Variants in ASIC2 observed in about 807,000 individuals in gnomAD.
ASIC2 encodes acid sensing ion channel subunit 2.
Under a neutral mutation model 57.3 loss-of-function variants are expected in ASIC2, and 25 were observed. That is an observed-to-expected ratio of 0.44 (90% CI 0.32 to 0.61). The LOEUF (loss-of-function observed/expected upper bound fraction) is 0.61. Among genes scored for constraint, ASIC2 ranks in the 20% least tolerant of loss-of-function variants. The probability of loss-of-function intolerance (pLI) is 0.06; values close to 1 mark genes in which losing one functional copy is unlikely to be tolerated. For synonymous variants in ASIC2, 319 were observed against 307.5 expected, an observed-to-expected ratio of 1.04 and a Z score of -0.39; for missense variants, 641 against 738.1, an observed-to-expected ratio of 0.87 and a Z score of 1.52.
chr17:34,050,570 T>A (rs561309399), intron 1 of ASIC2, among the ~76,000 whole-genome samples: 1 of 152,354 alleles, frequency 6.6e-6, no homozygotes, highest in East Asian at 1.9e-4. Context: ...TTATGGATTT[T>A]AATCCTCTAA....
At chr17:34,090,161 G>T (rs1910273619) in intron 1 of ASIC2, among the ~76,000 whole-genome samples, 2 of 152,150 alleles carry the variant, frequency 1.3e-5, no homozygotes, top group South Asian at 4.1e-4. Flanking sequence ...GAGGGCTAGG[G>T]GGATGTGGTT....
intron 1 of ASIC2, among the ~76,000 whole-genome samples, chr17:34,053,594 A>G (rs1414464161): frequency 6.6e-6 from 1 of 152,250 alleles, no homozygotes; most frequent in African/African-American, 2.4e-5. Flanking sequence ...GCATTAGCCC[A>G]CATAATCTGC....
intron 1 of ASIC2, among the ~76,000 whole-genome samples, chr17:33,347,710 A>G (rs1908006429): frequency 6.6e-6 from 1 of 152,226 alleles, no homozygotes; most frequent in African/African-American, 2.4e-5. Flanking sequence ...TTGTCATCAG[A>G]GCAGATACTT....
At chr17:34,048,974 G>A (rs1256174655) in intron 1 of ASIC2, among the ~76,000 whole-genome samples, 1 of 152,152 alleles carries the variant, frequency 6.6e-6, no homozygotes, top group African/African-American at 2.4e-5. Flanking sequence ...CATGTTTTGT[G>A]ATGTTCTGAG....
At chr17:33,747,255 G>C (rs1415421055) in intron 1 of ASIC2, among the ~76,000 whole-genome samples, 1 of 133,042 alleles carries the variant, frequency 7.5e-6, no homozygotes, top group African/African-American at 3.0e-5. Flanking sequence ...AGATGGTCTA[G>C]CTCTGTGATC....
intron 1 of ASIC2, among the ~76,000 whole-genome samples, chr17:33,323,275 G>A (rs1906940885): frequency 6.6e-6 from 1 of 152,210 alleles, no homozygotes; most frequent in Non-Finnish European, 1.5e-5. Context: ...AGACTGGAAA[G>A]TGCTGAGGTG....
At chr17:33,280,132 T>C (rs1390848016) in intron 1 of ASIC2, among the ~76,000 whole-genome samples, 1 of 152,104 alleles carries the variant, frequency 6.6e-6, no homozygotes, top group East Asian at 1.9e-4. Context: ...CCCAGCATCA[T>C]AGCCCACCTA....
At chr17:33,884,375 C>T (rs900296106) in intron 1 of ASIC2, among the ~76,000 whole-genome samples, 9 of 152,220 alleles carry the variant, frequency 5.9e-5, no homozygotes, top group Admixed American at 2.0e-4. Context: ...GTGATAGTTC[C>T]CACTGTTGCT....
At chr17:33,698,540 TAGAA>T (rs1399038651) in intron 1 of ASIC2, among the ~76,000 whole-genome samples, 1 of 152,150 alleles carries the variant, frequency 6.6e-6, no homozygotes, top group African/African-American at 2.4e-5. Context: ...CCATGAAAAT[TAGAA>T]AGCTATCAGT....
chr17:33,702,970 CAG>C (rs1459518286), intron 1 of ASIC2, among the ~76,000 whole-genome samples: 1 of 152,100 alleles, frequency 6.6e-6, no homozygotes, highest in Non-Finnish European at 1.5e-5. Context: ...AGAAAATAAA[CAG>C]AGTTACGGAT....
At position 33,928,337 on chromosome 17, in the gene ASIC2, G is replaced by T. The variant is rs959710778; in HGVS notation, c.555+227641C>A. ...TGGTACGGCAGGGACTCTGCAGCGT[G>T]GGGGGCAGGGGCACTTCAGGGGTGG... On this transcript the variant is annotated intron_variant, in intron 1 of 9. Coordinates refer to the ASIC2 transcript ENST00000359872. 7.2e-5 allele frequency among the ~76,000 whole-genome samples: 11 copies of T among 152,294 alleles called. No homozygotes were observed. The East Asian group carries it at 1.4e-3, about 19-fold the overall frequency.
chr17:33,088,637 C>A (rs2092145068), intron 3 of ASIC2, among the ~76,000 whole-genome samples: 1 of 151,984 alleles, frequency 6.6e-6, no homozygotes, highest in Non-Finnish European at 1.5e-5. Context: ...AAAGAAAAAA[C>A]CCAACCAGTT....
intron 1 of ASIC2, among the ~76,000 whole-genome samples, chr17:33,254,428 T>C (rs2142136210): frequency 6.6e-6 from 1 of 152,352 alleles, no homozygotes; most frequent in Middle Eastern, 3.4e-3. Context: ...TTCTTTAATC[T>C]GGCTGAAGCC....
intron 1 of ASIC2, among the ~76,000 whole-genome samples, chr17:33,497,764 A>T (rs955057612): frequency 1.3e-5 from 2 of 152,194 alleles, no homozygotes. Flanking sequence ...TTCAGATAAA[A>T]AAAAGGAGGC....
At chr17:33,294,654 T>C (rs948669526), upstream of ASIC2, among the ~76,000 whole-genome samples, 1 of 152,024 alleles carries the variant, frequency 6.6e-6, no homozygotes, top group Non-Finnish European at 1.5e-5. Flanking sequence ...AACACACATA[T>C]ACATGAACAT....
At chr17:33,262,658 C>T (rs531046535) in intron 1 of ASIC2, among the ~76,000 whole-genome samples, 1 of 152,312 alleles carries the variant, frequency 6.6e-6, no homozygotes, top group African/African-American at 2.4e-5. Flanking sequence ...GGGACAGATA[C>T]TCTGCTAGAC....
At position 33,363,588 on chromosome 17, in the gene ASIC2, G is replaced by T. The variant is rs146315205; in HGVS notation, c.556-251521C>A. Among the ~76,000 whole-genome samples the T allele has an allele frequency of 2.7e-3, 408 of 152,320 alleles. 4 individuals carry two copies. Among genetic ancestry groups the T allele is most frequent in the African/African-American group, 9.4e-3 (392 of 41,576 alleles). ...CTAGCCCTGCGTTCCGAGCTGCATG[G>T]CCTCTGCCACTGAACACCAGTGCGC... is the stretch of plus-strand genomic sequence containing the variant. On this transcript the variant is annotated intron_variant, in intron 1 of 9. Transcript: ENST00000359872.
intron 1 of ASIC2, among the ~76,000 whole-genome samples, chr17:33,823,911 A>G (rs929490787): frequency 1.1e-4 from 17 of 152,110 alleles, no homozygotes; most frequent in African/African-American, 4.1e-4. Flanking sequence ...GTTATATTCT[A>G]TGGATGTGCC....
intron 1 of ASIC2, among the ~76,000 whole-genome samples, chr17:33,818,488 T>G (rs927295377): frequency 1.3e-5 from 2 of 152,156 alleles, no homozygotes; most frequent in African/African-American, 4.8e-5. Flanking sequence ...TGAAGCTCTA[T>G]GTGGCTCTGA....
Sources: allele counts gnomAD v4.1 joint callset (sites outside exome capture counted in the v4.1 genomes callset), GRCh38; gene constraint gnomAD v4.1.1; transcripts MANE v1.5; gene names NCBI Gene and HGNC (gene_info 2026-07-23, HGNC 2026-07-21).